The following ECM2 variants were observed in gnomAD, a reference collection of about 807,000 sequenced individuals.
ECM2 encodes the protein extracellular matrix protein 2, also known as extracellular matrix protein 2, female organ and adipocyte specific.
Under a neutral mutation model 67.5 loss-of-function variants are expected in ECM2, and 57 were observed. The ratio of observed to expected loss-of-function variants is 0.84; its 90% CI spans 0.68 to 1.05. The LOEUF is 1.05. Ranked by LOEUF, ECM2 falls within the 50% of genes least tolerant of loss-of-function variation. The probability of loss-of-function intolerance (pLI) is 0.00; values close to 1 mark genes in which losing one functional copy is unlikely to be tolerated. For missense variants in ECM2, 741 were observed against 822.8 expected (o/e 0.90, Z 1.22); for synonymous variants, 258 against 294.5 (o/e 0.88, Z 1.27).
rs764699836 is a variant in ECM2 at position 92,502,644 on chromosome 9, G to T, written c.1473C>A (p.Tyr491Ter). The change falls in exon 8 of 10, where the codon TAC becomes TAA. Residue 491 changes from tyrosine to a stop codon, truncating the protein, a stop_gained. Coordinates refer to ENST00000344604, the MANE Select transcript of ECM2 (RefSeq NM_001393.4). LOFTEE classifies it high-confidence loss of function. Reference sequence around the variant, plus strand: ...TTTCTTCAATTTGGTTATTTTCTAGGTATAATTCCTATAATTAAGAGAGAA... The same window carrying T: ...TTTCTTCAATTTGGTTATTTTCTAGTTATAATTCCTATAATTAAGAGAGAA... ...QGLPGSIEEL[Y>*]LENNQIEEIT... The T allele has an allele frequency of 1.3e-6, 2 of 1,572,248 alleles. No individual in the cohort carries two copies. The highest frequency in any genetic ancestry group is 1.7e-6 in the Non-Finnish European group (2 of 1,150,114).
chr9:92,540,754 G>C (rs1358970996), upstream of ECM2, among the ~76,000 whole-genome samples: 1 of 146,336 alleles, frequency 6.8e-6, no homozygotes, highest in African/African-American at 2.7e-5. Context: ...CTGGGCAACA[G>C]AGCACGACTC....
chr9:92,495,660 A>G lies in ECM2; in HGVS notation c.*655T>C. The stretch of plus-strand genomic sequence containing the variant: ...AAGTTTCAAAAAGAGTATAGAATTT[A>G]TGCACACCCTTCTGCCAGCTTTCCT... On this transcript the variant is annotated 3_prime_UTR_variant, in exon 10 of 10. Transcript: ENST00000344604. The G allele has an allele frequency of 1.1e-5, 10 of 896,928 alleles. No homozygotes were observed. The highest frequency in any genetic ancestry group is 1.3e-5 in the Non-Finnish European group (10 of 749,316). 55.6% of individuals were successfully genotyped at this position (896,928 alleles called of 1,614,324 possible). A position where few individuals can be genotyped will look rare whatever the true frequency, so the allele number is the denominator to read the frequency against.
the ECM2 span, among the ~76,000 whole-genome samples, chr9:92,546,450 C>T: frequency 3.9e-4 from 59 of 152,312 alleles, no homozygotes; most frequent in African/African-American, 1.4e-3. Context: ...GGAAGATCTG[C>T]AGCTTCGCTC....
chr9:92,547,295 C>T, the ECM2 span, among the ~76,000 whole-genome samples: 1 of 152,220 alleles, frequency 6.6e-6, no homozygotes, highest in Non-Finnish European at 1.5e-5. Flanking sequence ...GCTTCAACTA[C>T]TAGCTGTATC....
chr9:92,498,465 T>C (rs913677367), intron 9 of ECM2, among the ~76,000 whole-genome samples: 1 of 151,806 alleles, frequency 6.6e-6, no homozygotes, highest in Admixed American at 6.6e-5. Flanking sequence ...ATATATATAT[T>C]AAAAAAAGAC....
chr9:92,533,269 C>A lies in ECM2; in HGVS notation c.-28+2664G>T, dbSNP rs189217793. On this transcript the variant is annotated intron_variant, in intron 1 of 9. Transcript: ENST00000344604. ...GAGCCGAGATCACACCACTGCACCC[C>A]AGCCTGGGCGATAGAGTGAGACTCG... Among the ~76,000 whole-genome samples, 596 of 133,828 alleles carry A rather than the reference C, an allele frequency of 4.5e-3. 6 individuals are homozygous for A. Among genetic ancestry groups the A allele is most frequent in the African/African-American group, 0.016 (578 of 35,724 alleles). 87.8% of individuals were successfully genotyped at this position (133,828 alleles called of 152,430 possible).
upstream of ECM2, among the ~76,000 whole-genome samples, chr9:92,538,605 G>A (rs565457581): frequency 7.9e-5 from 12 of 152,314 alleles, no homozygotes; most frequent in Middle Eastern, 3.4e-3. Context: ...AATTTCTGAG[G>A]TTCCTGCTCT....
intron 8 of ECM2, among the ~76,000 whole-genome samples, 163 bp downstream of exon 8, chr9:92,502,350 A>G (rs952640026): frequency 6.6e-6 from 1 of 152,184 alleles, no homozygotes; most frequent in Non-Finnish European, 1.5e-5. Flanking sequence ...GAAGTAGCCC[A>G]CTTTGGGGAT....
intron 2 of ECM2, among the ~76,000 whole-genome samples, chr9:92,519,155 G>A (rs1356131236): frequency 6.6e-6 from 1 of 152,010 alleles, no homozygotes; most frequent in African/African-American, 2.4e-5. Flanking sequence ...GCCCAATTCA[G>A]GCCCTACCCA....
rs372661059 is a variant in ECM2, at chr9:92,525,078, G to A, written c.-27-2185C>T. On this transcript the variant is annotated intron_variant, in intron 1 of 9. Coordinates refer to ENST00000344604, the MANE Select transcript of ECM2 (RefSeq NM_001393.4). ...TGTAATCCCAGCCCTATAGGAGGCC[G>A]AAACCAAGGTGGGAGGATTGCTTGA... Among the ~76,000 whole-genome samples the A allele has an allele frequency of 9.9e-5, 15 of 152,160 alleles. No homozygotes were observed. The South Asian group carries it at 1.0e-3, about 11-fold the overall frequency.
chr9:92,526,170 G>T (rs955235170), intron 1 of ECM2, among the ~76,000 whole-genome samples: 1 of 152,114 alleles, frequency 6.6e-6, no homozygotes, highest in African/African-American at 2.4e-5. Context: ...GGAAGACAGT[G>T]ATATTGATGA....
chr9:92,541,450 C>T (rs969157293), upstream of ECM2, among the ~76,000 whole-genome samples: 4 of 146,272 alleles, frequency 2.7e-5, no homozygotes, highest in African/African-American at 1.0e-4. Context: ...CACCCCCACC[C>T]TCCTGGTTCA....
At chr9:92,558,808 C>T in the ECM2 span, among the ~76,000 whole-genome samples, 6 of 151,972 alleles carry the variant, frequency 3.9e-5, no homozygotes, top group African/African-American at 9.7e-5. Flanking sequence ...GGTCTTGCTG[C>T]GGCTGCTGTG....
upstream of ECM2, among the ~76,000 whole-genome samples, chr9:92,536,941 C>G (rs1426957613): frequency 6.7e-6 from 1 of 150,054 alleles, no homozygotes; most frequent in Non-Finnish European, 1.5e-5. Flanking sequence ...GTGATCTCAG[C>G]ACACTGAAAC....
At chr9:92,518,023 T>C (rs1847831972) in intron 2 of ECM2, 148 bp from the exon 3 acceptor site, 1 of 959,580 alleles carries the variant, frequency 1.0e-6, no homozygotes. Flanking sequence ...AGATGTCGTA[T>C]AGACATAAGA....
chr9:92,548,790 A>T, the ECM2 span, among the ~76,000 whole-genome samples: 1 of 152,192 alleles, frequency 6.6e-6, no homozygotes, highest in African/African-American at 2.4e-5. Flanking sequence ...TGTTGCAAAG[A>T]TAACATTTGT....
intron 4 of ECM2, among the ~76,000 whole-genome samples, chr9:92,513,684 A>G (rs1174992556): frequency 6.6e-6 from 1 of 152,208 alleles, no homozygotes; most frequent in Non-Finnish European, 1.5e-5. Flanking sequence ...TGAAAGGGCT[A>G]TGTATTGTAT....
chr9:92,517,401 A>G (rs1283173863), intron 3 of ECM2: 2 of 568,018 alleles, frequency 3.5e-6, no homozygotes. Context: ...TCTGTTGTAG[A>G]AATTCTGTTA....
chr9:92,527,424 C>A (rs193235926), intron 1 of ECM2, among the ~76,000 whole-genome samples: 138 of 152,278 alleles, frequency 9.1e-4, no homozygotes, highest in African/African-American at 3.0e-3. Context: ...ACCATATAGC[C>A]TAGGTGTATA....
Sources: allele counts gnomAD v4.1 joint callset (sites outside exome capture counted in the v4.1 genomes callset), GRCh38; gene constraint gnomAD v4.1.1; transcripts MANE v1.5; gene names NCBI Gene and HGNC (gene_info 2026-07-23, HGNC 2026-07-21).